PCLO: variants seen among roughly 807,000 people sequenced by gnomAD.
The protein encoded by PCLO is protein piccolo.
In PCLO, 82 loss-of-function variants were observed where a neutral mutation model predicts 427.5. The ratio of observed to expected loss-of-function variants is 0.19; its 90% CI spans 0.16 to 0.23. PCLO has a LOEUF of 0.23. PCLO is among the 10% of genes least tolerant of loss of function. PCLO has a pLI of 1.00. For synonymous variants in PCLO, 2,357 were observed against 2,155.4 expected, an observed-to-expected ratio of 1.09 and a Z score of -2.59; for missense variants, 6,239 against 6,115.9, an observed-to-expected ratio of 1.02 and a Z score of -0.67.
At chr7:82,966,516 T>C (rs187986067) in intron 3 of PCLO, 29 bp from the exon 4 acceptor site, 524 of 1,357,008 alleles carry the variant, frequency 3.9e-4, no homozygotes, top group Non-Finnish European at 4.6e-4. Flanking sequence ...AATGAACAGA[T>C]TGAATGTATT....
At chr7:83,087,537 T>C (rs926721256) in intron 3 of PCLO, among the ~76,000 whole-genome samples, 1 of 152,160 alleles carries the variant, frequency 6.6e-6, no homozygotes, top group African/African-American at 2.4e-5. Flanking sequence ...TCCTAATGAA[T>C]ACTTAGTAGC....
At chr7:82,859,508 T>C (rs1001342759) in intron 10 of PCLO, among the ~76,000 whole-genome samples, 12 of 152,222 alleles carry the variant, frequency 7.9e-5, no homozygotes, top group African/African-American at 2.7e-4. Context: ...ACCACCAAGG[T>C]TGTACCTTTA....
intron 3 of PCLO, among the ~76,000 whole-genome samples, chr7:83,100,969 A>G (rs1456378358): frequency 6.6e-6 from 1 of 152,136 alleles, no homozygotes; most frequent in Non-Finnish European, 1.5e-5. Context: ...CTAAAAGTAC[A>G]AAATATTAAT....
At chr7:82,971,600 A>G (rs1159357350) in intron 3 of PCLO, among the ~76,000 whole-genome samples, 3 of 147,608 alleles carry the variant, frequency 2.0e-5, no homozygotes, top group African/African-American at 7.4e-5. Flanking sequence ...AATATATATG[A>G]TATGATATAT....
At chr7:82,998,556 C>A (rs1433200760) in intron 3 of PCLO, among the ~76,000 whole-genome samples, 2 of 151,836 alleles carry the variant, frequency 1.3e-5, no homozygotes, top group African/African-American at 4.8e-5. Flanking sequence ...TACCTAACTC[C>A]AGGCCTCTCT....
chr7:82,883,744 C>T (rs1161555466), intron 9 of PCLO, among the ~76,000 whole-genome samples: 4 of 152,040 alleles, frequency 2.6e-5, no homozygotes, highest in Admixed American at 1.3e-4. Context: ...TGCTGTTCAG[C>T]ATCCTTTTGT....
intron 3 of PCLO, among the ~76,000 whole-genome samples, chr7:83,044,449 T>A (rs1310355501): frequency 6.6e-6 from 1 of 152,198 alleles, no homozygotes; most frequent in Non-Finnish European, 1.5e-5. Flanking sequence ...GATAATCTCA[T>A]AAAATATTAA....
chr7:82,858,466 G>A (rs1792863987), intron 10 of PCLO, among the ~76,000 whole-genome samples: 1 of 151,986 alleles, frequency 6.6e-6, no homozygotes, highest in Non-Finnish European at 1.5e-5. Context: ...CATTGGGAAA[G>A]AAAAAGAAAG....
intron 10 of PCLO, among the ~76,000 whole-genome samples, chr7:82,874,765 TA>T (rs771556931): frequency 1.3e-5 from 2 of 152,266 alleles, no homozygotes. Flanking sequence ...ATGAAAGTTG[TA>T]AATATATATT....
chr7:82,990,300 G>T (rs1796348233), intron 3 of PCLO, among the ~76,000 whole-genome samples: 1 of 152,068 alleles, frequency 6.6e-6, no homozygotes, highest in South Asian at 2.1e-4. Context: ...CTAAACCATA[G>T]AAACAGGAAA....
At chr7:82,974,831 T>C (rs1437129056) in intron 3 of PCLO, among the ~76,000 whole-genome samples, 1 of 152,046 alleles carries the variant, frequency 6.6e-6, no homozygotes, top group African/African-American at 2.4e-5. Flanking sequence ...CAGGCTGGAG[T>C]GCAGTGGTGC....
At chr7:82,831,929 C>T (rs1002150019) in intron 16 of PCLO, among the ~76,000 whole-genome samples, 1 of 152,122 alleles carries the variant, frequency 6.6e-6, no homozygotes, top group Non-Finnish European at 1.5e-5. Flanking sequence ...ATTTAAAACT[C>T]TACACAAAAT....
chr7:82,868,421 T>C (rs2115964742), intron 10 of PCLO, among the ~76,000 whole-genome samples: 1 of 152,330 alleles, frequency 6.6e-6, no homozygotes, highest in African/African-American at 2.4e-5. Context: ...AATCCCTGAT[T>C]CTCAGCATTA....
rs754278837 is a variant in PCLO at position 82,915,983 on chromosome 7, A to G, written c.12003T>C (p.His4001=). Reference sequence around the variant, plus strand: ...CTAAACTATTGTACTTACTACCAAGATGGGAAACAGCAAATGTGTTATCCG... The same window carrying G: ...CTAAACTATTGTACTTACTACCAAGGTGGGAAACAGCAAATGTGTTATCCG... ...VSTDNTFAVS[H]LGSKYNSLDL... is the part of the protein sequence containing the mutation. The change falls in exon 7 of 25, where the codon CAT becomes CAC. Residue 4001 remains histidine (H), a synonymous_variant. Coordinates refer to ENST00000333891, the MANE Select transcript of PCLO (RefSeq NM_033026.6). The G allele has an allele frequency of 9.3e-5, 150 of 1,612,748 alleles. No individual in the cohort carries two copies. The highest frequency in any genetic ancestry group is 9.2e-4 in the South Asian group (84 of 91,090).
intron 3 of PCLO, among the ~76,000 whole-genome samples, chr7:83,108,023 A>G (rs1252720292): frequency 2.0e-5 from 3 of 151,206 alleles, no homozygotes; most frequent in African/African-American, 4.8e-5. Context: ...GGAAAGGAAG[A>G]AAGAAAGAAC....
Position 82,761,376 on chromosome 7 carries a change from G to T in PCLO, c.15125C>A (p.Ser5042Tyr). Reference protein sequence around the residue: ...QCRNITYKFKSPDHLPDLYVK... With the variant: ...QCRNITYKFKYPDHLPDLYVK... The stretch of plus-strand genomic sequence containing the variant: ...TTAGATACCTGGTAGATGATCAGGA[G>T]ACTTAAATTTGTATGTAATATTTCT... Residue 5042 changes from serine (S) to tyrosine (Y), a missense_variant, in exon 23 of 25, where the codon TCT (serine) becomes TAT (tyrosine). Physicochemically the swap from Ser to Tyr is moderately radical, Grantham distance 144 (BLOSUM62 -2). Coordinates refer to ENST00000333891, the MANE Select transcript of PCLO (RefSeq NM_033026.6). 2 of 1,488,616 alleles carry T rather than the reference G, an allele frequency of 1.3e-6. No individual in the cohort carries two copies. Among genetic ancestry groups the T allele is most frequent in the South Asian group, 1.2e-5 (1 of 83,980 alleles). 92.2% of individuals were successfully genotyped at this position (1,488,616 alleles called of 1,614,324 possible).
In PCLO at chr7:83,128,028, A is replaced by G. The variant is rs183747216; in HGVS notation, c.3300+6222T>C. 4.6e-5 allele frequency among the ~76,000 whole-genome samples: 7 copies of G among 152,254 alleles called. No individual in the cohort carries two copies. In the East Asian group the frequency reaches 1.3e-3, roughly 29 times the overall value. On this transcript the variant is annotated intron_variant, in intron 3 of 24. Coordinates refer to ENST00000333891, the MANE Select transcript of PCLO (RefSeq NM_033026.6). ...GCATATGCAATATCAAAGTTAAAAG[A>G]TAAAAAGGCAATAGTAACAACAATA... is the stretch of plus-strand genomic sequence containing the variant.
chr7:82,983,909 C>T (rs539379521), intron 3 of PCLO, among the ~76,000 whole-genome samples: 14 of 152,012 alleles, frequency 9.2e-5, no homozygotes, highest in Non-Finnish European at 1.8e-4. Flanking sequence ...AACCTCAAAA[C>T]ATGAATATAT....
rs1371465785 is a variant in PCLO, at chr7:82,763,411, G to A, written c.15008-1918C>T. On this transcript the variant is annotated intron_variant, in intron 22 of 24. Coordinates refer to ENST00000333891, the MANE Select transcript of PCLO (RefSeq NM_033026.6). ...ATCTCGCGGAACCACGGAGGTCTGT[G>A]AACCACATTTCGAGAATCAGTGTTA... 2.0e-5 allele frequency among the ~76,000 whole-genome samples: 3 copies of A among 152,020 alleles called. No homozygotes were observed. The East Asian group carries it at 5.8e-4, about 29-fold the overall frequency.
Sources: allele counts gnomAD v4.1 joint callset (sites outside exome capture counted in the v4.1 genomes callset), GRCh38; gene constraint gnomAD v4.1.1; transcripts MANE v1.5; gene names NCBI Gene and HGNC (gene_info 2026-07-23, HGNC 2026-07-21).